TRPS1: variants seen among roughly 807,000 people sequenced by gnomAD.
The protein encoded by TRPS1 is transcriptional repressor GATA binding 1.
Under a neutral mutation model 101.2 loss-of-function variants are expected in TRPS1, and 6 were observed. The observed-to-expected ratio is 0.06, with a 90% CI of 0.03 to 0.12. TRPS1 has a LOEUF of 0.12. Ranked by LOEUF, TRPS1 falls within the 10% of genes least tolerant of loss-of-function variation. TRPS1 has a pLI of 1.00. For synonymous variants in TRPS1, 578 were observed against 589.8 expected, an observed-to-expected ratio of 0.98 and a Z score of 0.29; for missense variants, 1,363 against 1,567.0, an observed-to-expected ratio of 0.87 and a Z score of 2.20.
At chr8:115,625,091 G>GCT (rs1438117560) in intron 1 of TRPS1, among the ~76,000 whole-genome samples, 3 of 151,858 alleles carry the variant, frequency 2.0e-5, no homozygotes, top group African/African-American at 7.2e-5. Flanking sequence ...TCACGCATCA[G>GCT]CTCAACACAG....
At chr8:115,542,035 T>C (rs1240542833) in intron 5 of TRPS1, among the ~76,000 whole-genome samples, 1 of 152,090 alleles carries the variant, frequency 6.6e-6, no homozygotes, top group Admixed American at 6.5e-5. Context: ...AGATTAATGG[T>C]GATAGTAGCA....
At chr8:115,485,226 T>C (rs754476219) in intron 5 of TRPS1, among the ~76,000 whole-genome samples, 9 of 152,172 alleles carry the variant, frequency 5.9e-5, no homozygotes, top group Admixed American at 2.6e-4. Context: ...GAACTGCCCA[T>C]AGGGGCTTGA....
At chr8:115,637,409 G>T in intron 1 of TRPS1, 1 of 648,952 alleles carries the variant, frequency 1.5e-6, no homozygotes, top group Non-Finnish European at 1.9e-6. Flanking sequence ...AGAAAATGAA[G>T]AAAAGTGATG....
intron 1 of TRPS1, chr8:115,667,960 G>C (rs950931699): frequency 2.0e-6 from 3 of 1,499,450 alleles, no homozygotes; most frequent in East Asian, 2.5e-5. Flanking sequence ...GCGGCCCCTC[G>C]GGTCCAACCA....
rs1818447138 is a variant in TRPS1 at position 115,623,678 on chromosome 8, T to C, written c.-41A>G. ...TTTTTACAATTATTAATTCTATTAG[T>C]CAACTAGCAGGAGGCTAATGCAATT... is the stretch of plus-strand genomic sequence containing the variant. On this transcript the variant is annotated 5_prime_UTR_variant, in exon 2 of 7. Transcript: ENST00000395715. 6.2e-7 allele frequency: 1 copy of C among 1,605,168 alleles called. No individual in the cohort carries two copies. Among genetic ancestry groups the C allele is most frequent in the African/African-American group, 1.3e-5 (1 of 74,756 alleles).
At chr8:115,455,301 A>G (rs1196847935) in intron 5 of TRPS1, among the ~76,000 whole-genome samples, 6 of 152,218 alleles carry the variant, frequency 3.9e-5, no homozygotes, top group Non-Finnish European at 7.3e-5. Context: ...TTGAGTGATT[A>G]CTATTTAGTA....
intron 5 of TRPS1, among the ~76,000 whole-genome samples, chr8:115,480,363 T>A (rs1323890118): frequency 6.6e-6 from 1 of 152,102 alleles, no homozygotes; most frequent in Non-Finnish European, 1.5e-5. Flanking sequence ...AAATCAACAT[T>A]AAAATGGCTG....
At chr8:115,445,779 C>T (rs552705164) in intron 5 of TRPS1, among the ~76,000 whole-genome samples, 13 of 151,984 alleles carry the variant, frequency 8.6e-5, no homozygotes, top group Admixed American at 3.3e-4. Flanking sequence ...GAGTAGGCAA[C>T]GAAAAATTAC....
At chr8:115,564,787 T>C (rs1210723616) in intron 5 of TRPS1, among the ~76,000 whole-genome samples, 1 of 152,090 alleles carries the variant, frequency 6.6e-6, no homozygotes, top group Non-Finnish European at 1.5e-5. Flanking sequence ...GTAGTCAAAA[T>C]ACAGGAGTTG....
chr8:115,597,142 T>C (rs1817806697), intron 4 of TRPS1, among the ~76,000 whole-genome samples: 1 of 151,980 alleles, frequency 6.6e-6, no homozygotes, highest in South Asian at 2.1e-4. Flanking sequence ...GCACGTTTCC[T>C]AGCAAACCTA....
chr8:115,583,045 C>A (rs1817486587), intron 5 of TRPS1, among the ~76,000 whole-genome samples: 1 of 152,056 alleles, frequency 6.6e-6, no homozygotes, highest in Non-Finnish European at 1.5e-5. Context: ...AAAAACTACA[C>A]AATGTTGGTT....
Position 115,481,647 on chromosome 8 carries a change from T to A in TRPS1, c.2701-63195A>T, listed in dbSNP as rs115866224. Among the ~76,000 whole-genome samples, 372 of 152,302 alleles carry A rather than the reference T, an allele frequency of 2.4e-3. 4 individuals are homozygous for A. The highest frequency in any genetic ancestry group is 8.6e-3 in the African/African-American group (359 of 41,576). On this transcript the variant is annotated intron_variant, in intron 5 of 6. Transcript: ENST00000395715. ...GTTTGAAGAAGCTCCTGTCTGCTCATCTCAAATAAAGAGGATAACTATTTG... is the reference window on the plus strand; with the variant it reads ...GTTTGAAGAAGCTCCTGTCTGCTCAACTCAAATAAAGAGGATAACTATTTG...
intron 5 of TRPS1, among the ~76,000 whole-genome samples, chr8:115,477,601 T>C (rs530794210): frequency 6.6e-6 from 1 of 152,308 alleles, no homozygotes; most frequent in East Asian, 1.9e-4. Context: ...ACACTAAACC[T>C]TCTCCAGCTT....
rs149499468 is a variant in TRPS1, at chr8:115,592,061, A to C, written c.2097-4457T>G. On this transcript the variant is annotated intron_variant, in intron 4 of 6. Coordinates refer to ENST00000395715, the MANE Select transcript of TRPS1 (RefSeq NM_014112.5). Reference sequence around the variant, plus strand: ...TTAACTACTGACGATATGCCAAATGAAAACACAGGGGATGGAAAAGGTCTT... The same window carrying C: ...TTAACTACTGACGATATGCCAAATGCAAACACAGGGGATGGAAAAGGTCTT... 3.5e-3 allele frequency among the ~76,000 whole-genome samples: 529 copies of C among 152,354 alleles called. 6 individuals are homozygous for C. The highest frequency in any genetic ancestry group is 0.012 in the African/African-American group (503 of 41,582).
chr8:115,619,305 T>C lies in TRPS1; in HGVS notation c.793A>G (p.Asn265Asp). 2 of 1,614,176 alleles carry C rather than the reference T, an allele frequency of 1.2e-6. No homozygotes were observed. Among genetic ancestry groups the C allele is most frequent in the Middle Eastern group, 1.6e-4 (1 of 6,062 alleles). The change falls in exon 3 of 7, where the codon AAC becomes GAC. Residue 265 changes from asparagine to aspartate, a missense_variant. Transcript: ENST00000395715. Reference protein sequence around the residue: ...HFRKYHLGLHNRTRQDAELDS... With the variant: ...HFRKYHLGLHDRTRQDAELDS... ...AGCTCAGCATCTTGCCTGGTGCGGTTATGCAGTCCTAAGTGATACTTTCGG... is the reference window on the plus strand; with the variant it reads ...AGCTCAGCATCTTGCCTGGTGCGGTCATGCAGTCCTAAGTGATACTTTCGG...
At chr8:115,576,517 A>C (rs1169110034) in intron 5 of TRPS1, among the ~76,000 whole-genome samples, 1 of 152,148 alleles carries the variant, frequency 6.6e-6, no homozygotes, top group Non-Finnish European at 1.5e-5. Context: ...AGCAGGAAAC[A>C]GTATATGAGG....
At chr8:115,667,258 G>T (rs183155883) in intron 1 of TRPS1, among the ~76,000 whole-genome samples, 12 of 152,158 alleles carry the variant, frequency 7.9e-5, no homozygotes, top group Admixed American at 7.9e-4. Context: ...GGGAAAGGGG[G>T]AAACACCACC....
intron 5 of TRPS1, among the ~76,000 whole-genome samples, chr8:115,510,275 C>A (rs1193763346): frequency 6.6e-6 from 1 of 151,932 alleles, no homozygotes; most frequent in Non-Finnish European, 1.5e-5. Flanking sequence ...GCCATATAAA[C>A]ATATATTCCA....
chr8:115,558,197 T>A (rs1490178883), intron 5 of TRPS1, among the ~76,000 whole-genome samples: 1 of 152,120 alleles, frequency 6.6e-6, no homozygotes, highest in Non-Finnish European at 1.5e-5. Flanking sequence ...AGACCAGGGA[T>A]AAAGGACACA....
Sources: gnomAD v4.1 joint callset for allele counts (sites outside exome capture counted in the v4.1 genomes callset) on GRCh38, gnomAD v4.1.1 for gene constraint, MANE v1.5 for transcripts, NCBI Gene and HGNC (gene_info 2026-07-23, HGNC 2026-07-21) for gene names.